Variants in CELF4 observed in about 807,000 individuals in gnomAD.
CELF4 encodes the protein CUGBP Elav-like family member 4.
A neutral mutation model predicts 59.9 loss-of-function variants in CELF4; 18 were observed. The observed-to-expected ratio is 0.30, with a 90% confidence interval of 0.21 to 0.45. The LOEUF is 0.45. Among genes scored for constraint, CELF4 ranks in the 20% least tolerant of loss-of-function variants. CELF4 has a pLI of 1.00. For synonymous variants in CELF4, 261 were observed against 267.1 expected, an observed-to-expected ratio of 0.98 and a Z score of 0.22; for missense variants, 456 against 689.0, an observed-to-expected ratio of 0.66 and a Z score of 3.79.
chr18:37,392,311 G>A (rs1333850062), intron 2 of CELF4, among the ~76,000 whole-genome samples: 3 of 152,190 alleles, frequency 2.0e-5, no homozygotes, highest in Non-Finnish European at 4.4e-5. Context: ...TTTAGCTTGC[G>A]TTGCTCTGTG....
chr18:37,514,673 A>G (rs1451454588), intron 1 of CELF4, among the ~76,000 whole-genome samples: 2 of 152,114 alleles, frequency 1.3e-5, no homozygotes, highest in Non-Finnish European at 2.9e-5. Context: ...GAATTTTAAA[A>G]ACCTTCCGGT....
intron 3 of CELF4, among the ~76,000 whole-genome samples, chr18:37,296,311 C>A (rs1164993139): frequency 1.3e-5 from 2 of 152,188 alleles, no homozygotes; most frequent in African/African-American, 4.8e-5. Context: ...AAGACTATAG[C>A]CTCCTGAGAC....
intron 2 of CELF4, among the ~76,000 whole-genome samples, chr18:37,336,197 G>A (rs951900260): frequency 6.6e-6 from 1 of 152,166 alleles, no homozygotes; most frequent in African/African-American, 2.4e-5. Context: ...CGCCCCTCAC[G>A]GCTGTGGTGG....
At chr18:37,264,395 C>T (rs370746654) in intron 10 of CELF4, among the ~76,000 whole-genome samples, 7 of 152,256 alleles carry the variant, frequency 4.6e-5, no homozygotes, top group Non-Finnish European at 4.4e-5. Flanking sequence ...AAAGGTGCCT[C>T]GTGTGGGACC....
chr18:37,305,569 C>T (rs182731608), intron 3 of CELF4: 59 of 152,544 alleles, frequency 3.9e-4, no homozygotes, highest in African/African-American at 1.4e-3. Flanking sequence ...ACAAAGTCAC[C>T]CATGGTTTTC....
Position 37,536,015 on chromosome 18 carries a change from C to G in CELF4, c.286+29341G>C, listed in dbSNP as rs139413714. On this transcript the variant is annotated intron_variant, in intron 1 of 12. Transcript: ENST00000420428. ...ATATGTCCTGTTTATGTCTCTTCCT[C>G]TGAGGATGGTGCTGACAGTGCTGGG... 5.6e-3 allele frequency among the ~76,000 whole-genome samples: 847 copies of G among 152,294 alleles called. 9 individuals carry two copies. Among genetic ancestry groups the G allele is most frequent in the African/African-American group, 0.019 (806 of 41,556 alleles).
chr18:37,492,419 T>C (rs1160207193), intron 1 of CELF4, among the ~76,000 whole-genome samples: 2 of 152,134 alleles, frequency 1.3e-5, no homozygotes, highest in Non-Finnish European at 2.9e-5. Context: ...GAAGTTATAG[T>C]AGCATCTCTG....
intron 2 of CELF4, among the ~76,000 whole-genome samples, chr18:37,364,960 G>T (rs1355541356): frequency 6.6e-6 from 1 of 152,136 alleles, no homozygotes; most frequent in Admixed American, 6.6e-5. Context: ...AGGGACCAGG[G>T]CAGTTACAAG....
intron 2 of CELF4, among the ~76,000 whole-genome samples, chr18:37,353,098 G>A (rs1174893414): frequency 3.3e-5 from 5 of 151,762 alleles, no homozygotes; most frequent in Admixed American, 2.6e-4. Context: ...GCACGTGCCT[G>A]CAGTCCCAGC....
intron 1 of CELF4, among the ~76,000 whole-genome samples, chr18:37,527,099 A>T (rs941186521): frequency 2.0e-5 from 3 of 152,024 alleles, no homozygotes; most frequent in African/African-American, 7.2e-5. Context: ...TGGTTTTCCC[A>T]TTGCCCCCAT....
intron 1 of CELF4, among the ~76,000 whole-genome samples, chr18:37,495,478 AG>A (rs1371835313): frequency 6.6e-6 from 1 of 152,140 alleles, no homozygotes; most frequent in Non-Finnish European, 1.5e-5. Context: ...CACATGGCTC[AG>A]CCCTGGCCTG....
chr18:37,271,253 CCTT>C (rs2091098311), intron 7 of CELF4, among the ~76,000 whole-genome samples: 1 of 139,182 alleles, frequency 7.2e-6, no homozygotes, highest in Admixed American at 7.1e-5. Flanking sequence ...TTCCTTCAGT[CCTT>C]TTTTTTTTTT....
chr18:37,418,830 C>G (rs2099550013), intron 2 of CELF4, among the ~76,000 whole-genome samples: 1 of 152,232 alleles, frequency 6.6e-6, no homozygotes, highest in African/African-American at 2.4e-5. Flanking sequence ...CTTCTCAAAT[C>G]ACTGAATGGG....
At chr18:37,352,988 A>G (rs539051448) in intron 2 of CELF4, among the ~76,000 whole-genome samples, 152 of 152,148 alleles carry the variant, frequency 1.0e-3, no homozygotes, top group Non-Finnish European at 1.4e-3. Context: ...TTGGGAGGCC[A>G]AGGTGGGCAG....
chr18:37,557,642 C>T (rs1466446437), intron 1 of CELF4, among the ~76,000 whole-genome samples: 1 of 152,142 alleles, frequency 6.6e-6, no homozygotes, highest in Admixed American at 6.5e-5. Context: ...AGTAACATCG[C>T]GGTCAGTTTA....
chr18:37,468,050 C>T (rs1042633286), intron 2 of CELF4, among the ~76,000 whole-genome samples: 2 of 152,176 alleles, frequency 1.3e-5, no homozygotes, highest in Admixed American at 6.5e-5. Flanking sequence ...ACATCTTGCA[C>T]GTGTGTGCAT....
At chr18:37,291,769 G>A (rs1044343801) in intron 3 of CELF4, among the ~76,000 whole-genome samples, 2 of 152,186 alleles carry the variant, frequency 1.3e-5, no homozygotes, top group Non-Finnish European at 2.9e-5. Flanking sequence ...AGGGTCCACA[G>A]CTGTCCCTTA....
chr18:37,270,631 C>T, intron 8 of CELF4, 137 bp downstream of exon 8: 1 of 1,061,018 alleles, frequency 9.4e-7, no homozygotes, highest in Non-Finnish European at 1.4e-6. Context: ...GAGGCTGGCC[C>T]TCTCTGATCA....
chr18:37,469,848 G>A (rs189041803), intron 2 of CELF4, among the ~76,000 whole-genome samples: 38 of 152,242 alleles, frequency 2.5e-4, no homozygotes, highest in Admixed American at 2.4e-3. Context: ...ATCCAGGCAC[G>A]GTGCAGGCTG....
Sources: allele counts gnomAD v4.1 joint callset (sites outside exome capture counted in the v4.1 genomes callset), GRCh38; gene constraint gnomAD v4.1.1; transcripts MANE v1.5; gene names NCBI Gene and HGNC (gene_info 2026-07-23, HGNC 2026-07-21).